Variants in SLC12A8 observed in about 807,000 individuals in gnomAD.
The protein encoded by SLC12A8 is solute carrier family 12 member 8, also known as cation-chloride cotransporter 9.
In SLC12A8, 69 loss-of-function variants were observed where a neutral mutation model predicts 75.6. The ratio of observed to expected loss-of-function variants is 0.91; its 90% CI spans 0.75 to 1.11. SLC12A8 has a LOEUF of 1.11. SLC12A8 is among the 50% of genes most tolerant of loss of function. The probability of loss-of-function intolerance (pLI) is 0.00; values close to 1 mark genes in which losing one functional copy is unlikely to be tolerated. For synonymous variants in SLC12A8, 365 were observed against 372.8 expected (o/e 0.98, Z 0.24); for missense variants, 877 against 896.7 (o/e 0.98, Z 0.28).
intron 5 of SLC12A8, among the ~76,000 whole-genome samples, chr3:125,162,129 C>A (rs184473512): frequency 6.6e-5 from 10 of 152,388 alleles, no homozygotes; most frequent in South Asian, 2.1e-4. Flanking sequence ...ATCGCCCAGG[C>A]GACTGCAGAT....
intron 2 of SLC12A8, among the ~76,000 whole-genome samples, chr3:125,194,538 G>A (rs932325750): frequency 3.3e-5 from 5 of 152,196 alleles, no homozygotes; most frequent in African/African-American, 4.8e-5. Flanking sequence ...TGAGTAAGAG[G>A]CTGGAAAGTT....
intron 5 of SLC12A8, among the ~76,000 whole-genome samples, chr3:125,153,238 T>C (rs1933974001): frequency 6.6e-6 from 1 of 152,190 alleles, no homozygotes; most frequent in Admixed American, 6.5e-5. Context: ...CTTTCCAAGA[T>C]GCCAGGATAA....
chr3:125,200,836 T>C (rs754303240), intron 2 of SLC12A8, among the ~76,000 whole-genome samples: 11 of 152,224 alleles, frequency 7.2e-5, no homozygotes, highest in Non-Finnish European at 1.6e-4. Flanking sequence ...TAAGTTGAAT[T>C]CTATGAACAC....
chr3:125,107,559 C>T lies in SLC12A8; in HGVS notation c.1627G>A (p.Glu543Lys), dbSNP rs200535650. The T allele has an allele frequency of 9.2e-5, 148 of 1,614,054 alleles. No homozygotes were observed. The highest frequency in any genetic ancestry group is 1.5e-4 in the African/African-American group (11 of 74,926). Reference protein sequence around the residue: ...SCWNKQTSKSEGTQPEGTYGE... With the variant: ...SCWNKQTSKSKGTQPEGTYGE... ...TATGTTCCCTCAGGCTGAGTCCCTT[C>T]GCTCTTGGAAGTCTGCTTGTTCCAG... is the stretch of plus-strand genomic sequence containing the variant. Residue 543 changes from glutamate to lysine, a missense_variant, in exon 10 of 14, where the codon GAA becomes AAA. Transcript: ENST00000469902.
chr3:125,132,027 C>T (rs1413007105), intron 6 of SLC12A8, among the ~76,000 whole-genome samples: 1 of 152,158 alleles, frequency 6.6e-6, no homozygotes, highest in Non-Finnish European at 1.5e-5. Context: ...GGCTCAGAGG[C>T]AGCACAAACC....
intron 8 of SLC12A8, among the ~76,000 whole-genome samples, chr3:125,111,327 G>A (rs1457937092): frequency 6.6e-6 from 1 of 152,196 alleles, no homozygotes; most frequent in East Asian, 1.9e-4. Context: ...CAAAAGATCA[G>A]GGTCCAAGAT....
intron 5 of SLC12A8, 101 bp downstream of exon 5, chr3:125,177,642 A>C: frequency 2.3e-6 from 2 of 876,962 alleles, no homozygotes; most frequent in East Asian, 5.3e-5. Flanking sequence ...GGTAAAGCCT[A>C]TGGGGGTTAG....
At position 125,187,459 on chromosome 3, in the gene SLC12A8, A is replaced by C. The variant is rs144403442; in HGVS notation, c.199-31T>G. 1.4e-3 allele frequency: 2,269 copies of C among 1,605,874 alleles called. 24 individuals are homozygous for C. In the African/African-American group the frequency reaches 0.027, roughly 19 times the overall value. On this transcript the variant is annotated intron_variant, in intron 3 of 13. Coordinates refer to ENST00000469902, the MANE Select transcript of SLC12A8 (RefSeq NM_024628.6). Reference sequence around the variant, plus strand: ...GCAGAATAGCAAGGAGCAAGGTTGGATTAGGTGAGGAGGCCCCGCCAGCTC... The same window carrying C: ...GCAGAATAGCAAGGAGCAAGGTTGGCTTAGGTGAGGAGGCCCCGCCAGCTC...
intron 5 of SLC12A8, among the ~76,000 whole-genome samples, chr3:125,169,342 G>A (rs556083701): frequency 6.6e-6 from 1 of 152,290 alleles, no homozygotes; most frequent in Admixed American, 6.5e-5. Context: ...AGTGATGCTT[G>A]TTTTTGGAAG....
At chr3:125,203,168 A>ACAGAGT (rs1469149858) in intron 2 of SLC12A8, among the ~76,000 whole-genome samples, 4 of 151,814 alleles carry the variant, frequency 2.6e-5, no homozygotes, top group Non-Finnish European at 5.9e-5. Context: ...AAAGCAATCT[A>ACAGAGT]CAGAGTCAAT....
chr3:125,126,748 C>G (rs1034398677), intron 6 of SLC12A8, among the ~76,000 whole-genome samples: 5 of 152,242 alleles, frequency 3.3e-5, no homozygotes, highest in African/African-American at 1.2e-4. Context: ...AAATCTGTGT[C>G]CTCAGAAACT....
chr3:125,181,941 C>CT (rs1297939075), intron 4 of SLC12A8, among the ~76,000 whole-genome samples: 3 of 152,144 alleles, frequency 2.0e-5, no homozygotes, highest in Non-Finnish European at 2.9e-5. Context: ...AATCTCTGCA[C>CT]TTTGGGAGAC....
chr3:125,091,958 C>T lies in SLC12A8; in HGVS notation c.1803+143G>A. 5.3e-6 allele frequency: 3 copies of T among 564,614 alleles called. No homozygotes were observed. In the South Asian group the frequency reaches 7.6e-5, roughly 14 times the overall value. The allele number at this position is 564,614 out of a possible 1,614,324, so 35.0% of individuals were successfully genotyped here. A position where few individuals can be genotyped will look rare whatever the true frequency, so the allele number is the denominator to read the frequency against. ...TAAATGTAATCTTGCCATATGTAGT[C>T]TCATCTAAATTCTAATACAACAGGC... is the stretch of plus-strand genomic sequence containing the variant. On this transcript the variant is annotated intron_variant, in intron 11 of 13. Coordinates refer to ENST00000469902, the MANE Select transcript of SLC12A8 (RefSeq NM_024628.6).
chr3:125,088,477 G>A (rs1938515724), intron 12 of SLC12A8, 107 bp from the exon 13 acceptor site: 3 of 814,176 alleles, frequency 3.7e-6, no homozygotes, highest in Admixed American at 2.2e-5. Flanking sequence ...CACACGCACA[G>A]AATTAACACA....
intron 12 of SLC12A8, among the ~76,000 whole-genome samples, chr3:125,091,034 T>TA (rs1239370560): frequency 1.3e-5 from 2 of 152,206 alleles, no homozygotes; most frequent in Non-Finnish European, 2.9e-5. Context: ...GAGTACTTTT[T>TA]ATCTCCTTTA....
At chr3:125,137,218 T>A (rs1005416077) in intron 5 of SLC12A8, among the ~76,000 whole-genome samples, 1 of 152,132 alleles carries the variant, frequency 6.6e-6, no homozygotes, top group African/African-American at 2.4e-5. Context: ...CATAACTTCA[T>A]AAGAAAAATA....
intron 4 of SLC12A8, among the ~76,000 whole-genome samples, chr3:125,182,713 G>T (rs985268951): frequency 6.6e-5 from 10 of 152,014 alleles, no homozygotes; most frequent in African/African-American, 2.4e-4. Flanking sequence ...TCACCATATC[G>T]GTCAGGCTGG....
intron 5 of SLC12A8, among the ~76,000 whole-genome samples, chr3:125,167,953 T>C (rs77345457): frequency 2.0e-5 from 3 of 152,218 alleles, no homozygotes; most frequent in Admixed American, 6.5e-5. Context: ...TTTTGTCCAA[T>C]AGCAATAGAA....
At chr3:125,175,718 C>T (rs1934511475) in intron 5 of SLC12A8, among the ~76,000 whole-genome samples, 1 of 149,800 alleles carries the variant, frequency 6.7e-6, no homozygotes, top group Non-Finnish European at 1.5e-5. Flanking sequence ...AGTCTCCCTC[C>T]ATATGCGGGC....
Sources: gnomAD v4.1 joint callset for allele counts (sites outside exome capture counted in the v4.1 genomes callset) on GRCh38, gnomAD v4.1.1 for gene constraint, MANE v1.5 for transcripts, NCBI Gene and HGNC (gene_info 2026-07-23, HGNC 2026-07-21) for gene names.